ENTREP2: variants seen among roughly 807,000 people sequenced by gnomAD.
ENTREP2 encodes protein ENTREP2.
the ENTREP2 span, among the ~76,000 whole-genome samples, chr15:29,669,082 T>C: frequency 6.6e-6 from 1 of 152,192 alleles, no homozygotes; most frequent in African/African-American, 2.4e-5. Context: ...GGCACATGCC[T>C]GTAATCTCAG....
chr15:29,458,658 A>C, the ENTREP2 span, among the ~76,000 whole-genome samples: 1 of 152,160 alleles, frequency 6.6e-6, no homozygotes, highest in South Asian at 2.1e-4. Context: ...AGTCGACCCA[A>C]CTTCTCCAGC....
chr15:29,568,112 C>A, the ENTREP2 span, among the ~76,000 whole-genome samples: 1 of 152,210 alleles, frequency 6.6e-6, no homozygotes, highest in African/African-American at 2.4e-5. Context: ...AACCAATCAT[C>A]ATTTCTGCAA....
the ENTREP2 span, among the ~76,000 whole-genome samples, chr15:29,334,269 C>T: frequency 2.1e-4 from 32 of 152,278 alleles, no homozygotes; most frequent in African/African-American, 7.0e-4. Context: ...CTGCTGTTGT[C>T]ACACTTCAAG....
chr15:29,269,083 T>C, the ENTREP2 span: 4 of 1,613,886 alleles, frequency 2.5e-6, no homozygotes, highest in African/African-American at 2.7e-5. Context: ...CTTGGTGGGG[T>C]AGACCCCTAA....
chr15:29,624,426 G>C, the ENTREP2 span, among the ~76,000 whole-genome samples: 2 of 152,098 alleles, frequency 1.3e-5, no homozygotes, highest in Non-Finnish European at 2.9e-5. Flanking sequence ...GTAGTGTAAG[G>C]ATGCATTTTC....
the ENTREP2 span, among the ~76,000 whole-genome samples, chr15:29,637,033 G>GA: frequency 6.6e-6 from 1 of 152,124 alleles, no homozygotes; most frequent in Non-Finnish European, 1.5e-5. Flanking sequence ...ACTTTGTTCA[G>GA]AATGTCAAAA....
At chr15:29,587,175 G>A in the ENTREP2 span, among the ~76,000 whole-genome samples, 17 of 143,916 alleles carry the variant, frequency 1.2e-4, no homozygotes, top group Non-Finnish European at 2.2e-4. Context: ...GTGTGTGTGT[G>A]TGTGTGTGTG....
At chr15:29,399,575 A>G in the ENTREP2 span, among the ~76,000 whole-genome samples, 1 of 152,216 alleles carries the variant, frequency 6.6e-6, no homozygotes, top group Non-Finnish European at 1.5e-5. Flanking sequence ...GAAAATTATA[A>G]TACTATATAT....
the ENTREP2 span, among the ~76,000 whole-genome samples, chr15:29,346,326 CT>C: frequency 4.9e-4 from 75 of 152,296 alleles, 2 homozygotes; most frequent in African/African-American, 1.7e-3. Context: ...CCGGGGACTG[CT>C]TGTTCTAAAG....
At chr15:29,642,385 A>G in the ENTREP2 span, among the ~76,000 whole-genome samples, 1 of 151,380 alleles carries the variant, frequency 6.6e-6, no homozygotes, top group Admixed American at 6.6e-5. Flanking sequence ...ACCATTCAAT[A>G]GGGGGGAGAG....
the ENTREP2 span, among the ~76,000 whole-genome samples, chr15:29,602,600 C>A: frequency 6.6e-6 from 1 of 152,008 alleles, no homozygotes; most frequent in African/African-American, 2.4e-5. Context: ...TGCAGTGGCG[C>A]GATCTCAGCT....
chr15:29,434,002 G>C, the ENTREP2 span, among the ~76,000 whole-genome samples: 19 of 152,228 alleles, frequency 1.2e-4, no homozygotes, highest in East Asian at 3.5e-3. Flanking sequence ...CAATTTGTTT[G>C]TCTGTCTACC....
the ENTREP2 span, among the ~76,000 whole-genome samples, chr15:29,654,505 G>A: frequency 6.6e-6 from 1 of 152,128 alleles, no homozygotes. Context: ...AGAAAGACAT[G>A]CATTAATAAG....
the ENTREP2 span, among the ~76,000 whole-genome samples, chr15:29,518,867 CAGATG>C: frequency 6.6e-6 from 1 of 152,218 alleles, no homozygotes; most frequent in Non-Finnish European, 1.5e-5. Context: ...AGGAAGGTCA[CAGATG>C]ACAAGGACAA....
the ENTREP2 span, among the ~76,000 whole-genome samples, chr15:29,452,238 G>C: frequency 1.3e-5 from 2 of 152,140 alleles, no homozygotes; most frequent in Non-Finnish European, 1.5e-5. Flanking sequence ...GGCACCTGGT[G>C]CTGACAGCCC....
At chr15:29,636,876 A>C in the ENTREP2 span, among the ~76,000 whole-genome samples, 1 of 152,210 alleles carries the variant, frequency 6.6e-6, no homozygotes, top group Admixed American at 6.5e-5. Flanking sequence ...AGAGATTTAG[A>C]GTGACTTATG....
chr15:29,379,080 G>A, the ENTREP2 span, among the ~76,000 whole-genome samples: 8 of 152,292 alleles, frequency 5.3e-5, no homozygotes, highest in African/African-American at 9.6e-5. Flanking sequence ...ATACACTTCC[G>A]TCTGCAGTGC....
At chr15:29,409,140 T>C in the ENTREP2 span, among the ~76,000 whole-genome samples, 1 of 152,326 alleles carries the variant, frequency 6.6e-6, no homozygotes, top group African/African-American at 2.4e-5. Context: ...TTTTGTTAAG[T>C]AGCTTTAAAT....
At chr15:29,614,874 T>C in the ENTREP2 span, among the ~76,000 whole-genome samples, 8 of 151,364 alleles carry the variant, frequency 5.3e-5, no homozygotes. Flanking sequence ...CTGGGCAACA[T>C]AGCAAGACCA....
Sources: gnomAD v4.1 joint callset for allele counts (sites outside exome capture counted in the v4.1 genomes callset) on GRCh38, gnomAD v4.1.1 for gene constraint, MANE v1.5 for transcripts, NCBI Gene and HGNC (gene_info 2026-07-23, HGNC 2026-07-21) for gene names.